The following RSU1 variants were observed in gnomAD, a reference collection of about 807,000 sequenced individuals.
RSU1 encodes rsu-1.
A neutral mutation model predicts 31.1 loss-of-function variants in RSU1; 26 were observed. That is an observed-to-expected ratio of 0.84 (90% CI 0.61 to 1.16). The LOEUF is 1.16. RSU1 is among the 50% of genes most tolerant of loss of function. RSU1 has a pLI of 0.00. For missense variants in RSU1, 320 were observed against 339.1 expected, an observed-to-expected ratio of 0.94 and a Z score of 0.44; for synonymous variants, 164 against 136.3, an observed-to-expected ratio of 1.20 and a Z score of -1.41.
chr10:16,601,596 G>C (rs1388716316), intron 8 of RSU1, among the ~76,000 whole-genome samples: 3 of 152,116 alleles, frequency 2.0e-5, no homozygotes, highest in Non-Finnish European at 4.4e-5. Flanking sequence ...TCCCTTCCCA[G>C]TGTGTCCTAC....
rs140194420 is a variant in RSU1, at chr10:16,715,063, G to A, written c.599-19908C>T. ...GGGGAGACTGTGGCAGAGGCAGGAT[G>A]CCTCGCTCACCTGTCCATGGTGCTG... is the stretch of plus-strand genomic sequence containing the variant. On this transcript the variant is annotated intron_variant, in intron 7 of 8. Coordinates refer to ENST00000345264, the MANE Select transcript of RSU1 (RefSeq NM_012425.4). 2.0e-3 allele frequency among the ~76,000 whole-genome samples: 298 copies of A among 152,340 alleles called. 1 individual carries two copies. The Middle Eastern group carries it at 0.024, about 12-fold the overall frequency.
At chr10:16,764,806 C>T (rs1298431595) in intron 3 of RSU1, among the ~76,000 whole-genome samples, 1 of 151,972 alleles carries the variant, frequency 6.6e-6, no homozygotes, top group Non-Finnish European at 1.5e-5. Context: ...AATTTCTGTA[C>T]CATAAACAGC....
chr10:16,724,196 G>A (rs1043641174), intron 7 of RSU1, among the ~76,000 whole-genome samples: 5 of 152,132 alleles, frequency 3.3e-5, no homozygotes, highest in East Asian at 1.9e-4. Context: ...GCCTGCCTTC[G>A]CCTCCCAAAG....
intron 8 of RSU1, among the ~76,000 whole-genome samples, chr10:16,649,456 C>T (rs887513127): frequency 6.6e-6 from 1 of 151,798 alleles, no homozygotes; most frequent in Admixed American, 6.6e-5. Context: ...AAGAGGTACT[C>T]GAAATCAGAC....
chr10:16,791,814 T>C (rs563710579), intron 2 of RSU1, among the ~76,000 whole-genome samples: 181 of 152,282 alleles, frequency 1.2e-3, no homozygotes, highest in Non-Finnish European at 7.2e-4. Context: ...TCCACAGCCC[T>C]GTAAGATGAC....
chr10:16,631,206 G>T (rs1000540529), intron 8 of RSU1, among the ~76,000 whole-genome samples: 9 of 152,190 alleles, frequency 5.9e-5, no homozygotes, highest in Non-Finnish European at 1.0e-4. Flanking sequence ...CCACAGGAGA[G>T]ATGTGAAGGC....
At chr10:16,802,837 A>G (rs1016892415) in intron 2 of RSU1, among the ~76,000 whole-genome samples, 11 of 152,156 alleles carry the variant, frequency 7.2e-5, no homozygotes, top group South Asian at 2.1e-4. Flanking sequence ...TTCAACACCC[A>G]TAAAAACTCT....
chr10:16,680,755 C>T (rs1232163942), intron 8 of RSU1, among the ~76,000 whole-genome samples: 1 of 152,156 alleles, frequency 6.6e-6, no homozygotes, highest in East Asian at 1.9e-4. Context: ...CACCTCCCAC[C>T]AGGCCTCACC....
At chr10:16,686,306 G>A (rs1250014731) in intron 8 of RSU1, among the ~76,000 whole-genome samples, 1 of 152,162 alleles carries the variant, frequency 6.6e-6, no homozygotes, top group East Asian at 1.9e-4. Context: ...AACAGCAAAT[G>A]CAGGCAATAA....
intron 8 of RSU1, among the ~76,000 whole-genome samples, chr10:16,672,227 G>T (rs555111571): frequency 6.6e-6 from 1 of 151,536 alleles, no homozygotes; most frequent in Non-Finnish European, 1.5e-5. Context: ...GGAGAATGGC[G>T]TGAACCCGGG....
intron 8 of RSU1, among the ~76,000 whole-genome samples, chr10:16,604,559 C>A (rs1415602715): frequency 1.3e-5 from 2 of 152,116 alleles, no homozygotes; most frequent in Non-Finnish European, 2.9e-5. Context: ...CCCTCCATGC[C>A]CCTGATCCCA....
chr10:16,743,062 T>C (rs958788554), intron 7 of RSU1, among the ~76,000 whole-genome samples: 4 of 152,320 alleles, frequency 2.6e-5, no homozygotes, highest in East Asian at 1.9e-4. Flanking sequence ...TTGTGAAGTA[T>C]GGCAAAAGAA....
chr10:16,814,462 A>AAG (rs1554777374), intron 2 of RSU1, among the ~76,000 whole-genome samples: 6 of 134,252 alleles, frequency 4.5e-5, no homozygotes, highest in Admixed American at 2.2e-4. Context: ...AAAAAAAAAA[A>AAG]AAAAAAGAAA....
intron 8 of RSU1, among the ~76,000 whole-genome samples, chr10:16,671,209 G>T (rs1209434725): frequency 1.3e-5 from 2 of 152,110 alleles, no homozygotes; most frequent in Admixed American, 6.5e-5. Context: ...TGGTGGGCTG[G>T]ATTAAGAAAA....
At chr10:16,616,355 T>A (rs1012597277) in intron 8 of RSU1, among the ~76,000 whole-genome samples, 22 of 128,088 alleles carry the variant, frequency 1.7e-4, no homozygotes, top group African/African-American at 6.5e-4. Context: ...GAGGCAGTAA[T>A]TAATAGCCTA....
intron 7 of RSU1, among the ~76,000 whole-genome samples, chr10:16,709,831 T>G (rs953184029): frequency 2.0e-5 from 3 of 152,188 alleles, no homozygotes; most frequent in Non-Finnish European, 4.4e-5. Flanking sequence ...TTGCCCACTT[T>G]TTGATGGGGT....
intron 7 of RSU1, among the ~76,000 whole-genome samples, chr10:16,722,764 G>A (rs995215948): frequency 6.6e-6 from 1 of 151,480 alleles, no homozygotes; most frequent in Admixed American, 6.6e-5. Flanking sequence ...CTACATATGT[G>A]TATATCTGTA....
chr10:16,669,704 T>C (rs1052283968), intron 8 of RSU1, among the ~76,000 whole-genome samples: 1 of 152,200 alleles, frequency 6.6e-6, no homozygotes, highest in Non-Finnish European at 1.5e-5. Flanking sequence ...CTGTGTTAGT[T>C]TGCTGAGGAT....
chr10:16,807,100 G>A (rs1838288661), intron 2 of RSU1, among the ~76,000 whole-genome samples: 2 of 152,196 alleles, frequency 1.3e-5, no homozygotes, highest in African/African-American at 4.8e-5. Context: ...ACTTACAGCT[G>A]TTAAGAACAC....
Sources: gnomAD v4.1 joint callset for allele counts (sites outside exome capture counted in the v4.1 genomes callset) on GRCh38, gnomAD v4.1.1 for gene constraint, MANE v1.5 for transcripts, NCBI Gene and HGNC (gene_info 2026-07-23, HGNC 2026-07-21) for gene names.